The following PALMD variants were observed in gnomAD, a reference collection of about 807,000 sequenced individuals.
PALMD encodes the protein palmdelphin, also known as paralemmin-like protein.
A neutral mutation model predicts 56.2 loss-of-function variants in PALMD; 42 were observed. The ratio of observed to expected loss-of-function variants is 0.75; its 90% CI spans 0.58 to 0.97. PALMD has a LOEUF of 0.97. Among genes scored for constraint, PALMD ranks in the 50% least tolerant of loss-of-function variants. PALMD has a pLI of 0.00. For missense variants in PALMD, 660 were observed against 643.8 expected (o/e 1.03, Z -0.27); for synonymous variants, 242 against 222.9 (o/e 1.09, Z -0.76).
At chr1:99,652,302 C>G (rs1276486604) in intron 1 of PALMD, among the ~76,000 whole-genome samples, 1 of 152,122 alleles carries the variant, frequency 6.6e-6, no homozygotes, top group African/African-American at 2.4e-5. Context: ...GACCCCTGTT[C>G]AGGACTTCCG....
chr1:99,685,181 G>A (rs1653457986), intron 3 of PALMD: 1 of 151,924 alleles, frequency 6.6e-6, no homozygotes. Context: ...TCTGTATATG[G>A]TAATGAGCGT....
At chr1:99,678,756 G>T (rs1002120871) in intron 3 of PALMD, among the ~76,000 whole-genome samples, 2 of 152,122 alleles carry the variant, frequency 1.3e-5, no homozygotes, top group Admixed American at 6.5e-5. Context: ...AATCAAGCTA[G>T]AATTGCTCAC....
chr1:99,649,753 T>C (rs1021727921), intron 1 of PALMD, among the ~76,000 whole-genome samples: 63 of 152,288 alleles, frequency 4.1e-4, no homozygotes, highest in Admixed American at 1.0e-3. Context: ...GAAAATTAGA[T>C]CTTAAACTGT....
rs753589401 is a variant in PALMD, at chr1:99,688,940, C to A, written c.680C>A (p.Ala227Glu). 1 of 1,613,488 alleles carries A rather than the reference C, an allele frequency of 6.2e-7. No individual in the cohort carries two copies. The highest frequency in any genetic ancestry group is 1.1e-5 in the South Asian group (1 of 91,068). Reference protein sequence around the residue: ...VYAVSSNHSAAYNGTDGLAPV... With the variant: ...VYAVSSNHSAEYNGTDGLAPV... The stretch of plus-strand genomic sequence containing the variant: ...GCAGTAAGTTCTAATCACAGTGCAG[C>A]ATACAATGGCACCGATGGCCTGGCA... Residue 227 changes from alanine to glutamate, a missense_variant, in exon 7 of 8, where the codon GCA (alanine) becomes GAA (glutamate). By Grantham distance (107) the Ala-to-Glu change is moderately radical (BLOSUM62 -1). Coordinates refer to ENST00000263174, the MANE Select transcript of PALMD (RefSeq NM_017734.5).
chr1:99,677,411 T>G (rs1216271793), intron 3 of PALMD, among the ~76,000 whole-genome samples: 2 of 151,894 alleles, frequency 1.3e-5, no homozygotes, highest in African/African-American at 4.8e-5. Flanking sequence ...CATCAAATCC[T>G]AACTGGTAGA....
intron 7 of PALMD, among the ~76,000 whole-genome samples, chr1:99,691,384 C>G (rs372258781): frequency 2.2e-4 from 33 of 152,234 alleles, no homozygotes; most frequent in African/African-American, 7.9e-4. Context: ...AAGTGACTAA[C>G]ATTTCCAGAC....
chr1:99,655,196 T>C (rs1317180324), intron 1 of PALMD, among the ~76,000 whole-genome samples: 1 of 152,072 alleles, frequency 6.6e-6, no homozygotes, highest in African/African-American at 2.4e-5. Context: ...GAAAAACAAT[T>C]ACTCAGCATC....
intron 3 of PALMD, among the ~76,000 whole-genome samples, chr1:99,674,624 T>C (rs1331543041): frequency 2.0e-5 from 3 of 149,958 alleles, no homozygotes; most frequent in Non-Finnish European, 4.4e-5. Context: ...AAAAAAAATT[T>C]GTTTTTCTCT....
At chr1:99,680,707 T>A (rs1248475474) in intron 3 of PALMD, among the ~76,000 whole-genome samples, 3 of 152,082 alleles carry the variant, frequency 2.0e-5, no homozygotes, top group Admixed American at 2.0e-4. Flanking sequence ...CACAGTAACC[T>A]CCCCAAAAGC....
intron 1 of PALMD, among the ~76,000 whole-genome samples, chr1:99,660,912 T>G (rs190067731): frequency 6.6e-5 from 10 of 152,244 alleles, no homozygotes; most frequent in Non-Finnish European, 1.3e-4. Context: ...AATAATAAGC[T>G]GATGAAGTCA....
chr1:99,677,506 A>G (rs11166291), intron 3 of PALMD, among the ~76,000 whole-genome samples: 5,572 of 152,046 alleles, frequency 0.037, 281 homozygotes, highest in African/African-American at 0.12. Flanking sequence ...GCTACCTCCT[A>G]AGGGATGCCC....
At position 99,687,133 on chromosome 1, in the gene PALMD, C is replaced by T; in HGVS notation, c.458C>T (p.Ser153Phe). 5 of 1,604,546 alleles carry T rather than the reference C, an allele frequency of 3.1e-6. No individual in the cohort carries two copies. The highest frequency in any genetic ancestry group is 4.3e-6 in the Non-Finnish European group (5 of 1,172,236). ...IPDLPKSYIPSRLRKEINEEK... is the reference protein window; with the variant it reads ...IPDLPKSYIPFRLRKEINEEK... ...GACCTTCCAAAGTCCTACATACCTT[C>T]TAGGTTAAGGAAGGAGATAAATGAA... The change falls in exon 6 of 8, where the codon TCT (serine) becomes TTT (phenylalanine). Residue 153 changes from serine to phenylalanine, a missense_variant. Coordinates refer to ENST00000263174, the MANE Select transcript of PALMD (RefSeq NM_017734.5).
chr1:99,667,898 A>C (rs1408117407), intron 3 of PALMD, 132 bp downstream of exon 3: 12 of 839,006 alleles, frequency 1.4e-5, no homozygotes, highest in Non-Finnish European at 2.0e-5. Flanking sequence ...TTTTTTTTTA[A>C]GGCACGCTTT....
In PALMD at chr1:99,665,391, G is replaced by A. The variant is rs139049793; in HGVS notation, c.127-2251G>A. On this transcript the variant is annotated intron_variant, in intron 2 of 7. Coordinates refer to ENST00000263174, the MANE Select transcript of PALMD (RefSeq NM_017734.5). ...GACATAAAAGCAAAATAACTCTTTT[G>A]ATTACTACAGTATATATGTGATTGC... is the stretch of plus-strand genomic sequence containing the variant. Among the ~76,000 whole-genome samples the A allele has an allele frequency of 5.0e-3, 762 of 152,116 alleles. 7 individuals are homozygous for A. Among genetic ancestry groups the A allele is most frequent in the African/African-American group, 0.016 (664 of 41,522 alleles).
At chr1:99,687,031 G>GAAATATCCCATTAGAA in intron 5 of PALMD, 45 bp from the exon 6 acceptor site, 1 of 1,514,784 alleles carries the variant, frequency 6.6e-7, no homozygotes, top group Non-Finnish European at 9.1e-7. Context: ...TGTTCCCATT[G>GAAATATCCCATTAGAA]TAAATATATT....
chr1:99,688,715 G>C, intron 6 of PALMD, 60 bp from the exon 7 acceptor site: 1 of 1,047,272 alleles, frequency 9.5e-7, no homozygotes, highest in Non-Finnish European at 1.4e-6. Flanking sequence ...CACAGTGAAA[G>C]CAGGTTAGTT....
intron 2 of PALMD, among the ~76,000 whole-genome samples, chr1:99,663,946 A>G (rs988977213): frequency 2.0e-5 from 3 of 152,160 alleles, no homozygotes; most frequent in Admixed American, 6.5e-5. Context: ...CAATCCAATC[A>G]AAACATTTAT....
intron 6 of PALMD, among the ~76,000 whole-genome samples, chr1:99,688,518 A>ATCT (rs1040025477): frequency 1.3e-5 from 2 of 152,134 alleles, no homozygotes; most frequent in African/African-American, 4.8e-5. Flanking sequence ...CCATCAGCTT[A>ATCT]TCTTCTCTAA....
chr1:99,662,253 C>A, intron 1 of PALMD, 66 bp from the exon 2 acceptor site: 9 of 852,464 alleles, frequency 1.1e-5, no homozygotes, highest in Non-Finnish European at 1.5e-5. Context: ...ATAGTGACAA[C>A]AACCCCAAGG....
Sources: gnomAD v4.1 joint callset for allele counts (sites outside exome capture counted in the v4.1 genomes callset) on GRCh38, gnomAD v4.1.1 for gene constraint, MANE v1.5 for transcripts, NCBI Gene and HGNC (gene_info 2026-07-23, HGNC 2026-07-21) for gene names.